The following ARF4 variants were observed in gnomAD, a reference collection of about 807,000 sequenced individuals.
ARF4 encodes ARF GTPase 4, also known as ADP-ribosylation factor 4.
ARF4 carries 5 observed loss-of-function variants against 24.3 expected under a neutral mutation model. That is an observed-to-expected ratio of 0.21 (90% CI 0.11 to 0.43). The LOEUF is 0.43. Among genes scored for constraint, ARF4 ranks in the 20% least tolerant of loss-of-function variants. The probability of loss-of-function intolerance (pLI) is 1.00; values close to 1 mark genes in which losing one functional copy is unlikely to be tolerated. For synonymous variants in ARF4, 62 were observed against 73.5 expected, an observed-to-expected ratio of 0.84 and a Z score of 0.80; for missense variants, 107 against 213.0, an observed-to-expected ratio of 0.50 and a Z score of 3.10.
chr3:57,578,628 T>C (rs2069934115), intron 3 of ARF4, among the ~76,000 whole-genome samples: 1 of 151,942 alleles, frequency 6.6e-6, no homozygotes, highest in Non-Finnish European at 1.5e-5. Flanking sequence ...TACAGGTGCG[T>C]GCCACCACAC....
At chr3:57,596,786 C>A in intron 1 of ARF4, 1 of 355,048 alleles carries the variant, frequency 2.8e-6, no homozygotes. Flanking sequence ...TTCCCCACAT[C>A]TCTGCCCAAT....
intron 1 of ARF4, among the ~76,000 whole-genome samples, chr3:57,590,094 A>T (rs1020766938): frequency 1.3e-5 from 1 of 75,898 alleles, no homozygotes; most frequent in African/African-American, 5.4e-5. Context: ...TGTCTCAATA[A>T]ATAAATAAAT....
chr3:57,596,872 T>A, intron 1 of ARF4: 1 of 582,816 alleles, frequency 1.7e-6, no homozygotes, highest in Non-Finnish European at 3.0e-6. Flanking sequence ...CCTGTCCCTG[T>A]CTCGTCTGGC....
intron 4 of ARF4, among the ~76,000 whole-genome samples, chr3:57,576,176 C>CATG (rs1351316161): frequency 6.6e-6 from 1 of 152,040 alleles, no homozygotes; most frequent in Non-Finnish European, 1.5e-5. Flanking sequence ...TGTACTGATG[C>CATG]ATGATGCAAT....
At chr3:57,593,190 G>A (rs770224050) in intron 1 of ARF4, among the ~76,000 whole-genome samples, 4 of 152,078 alleles carry the variant, frequency 2.6e-5, no homozygotes, top group Non-Finnish European at 5.9e-5. Context: ...GAGTATGGGT[G>A]ACAGAGCAAA....
chr3:57,583,978 T>G lies in ARF4; in HGVS notation c.178A>C (p.Asn60His), dbSNP rs2070006405. Reference protein sequence around the residue: ...GFNVETVEYKNICFTVWDVGG... With the variant: ...GFNVETVEYKHICFTVWDVGG... ...ACATCCCATACTGTGAAACAAATGT[T>G]CTTATATTCTACTGTTTCCACATTA... Residue 60 changes from asparagine (N) to histidine (H), a missense_variant, in exon 3 of 6, where the codon AAC becomes CAC. Asn to His is a moderately conservative substitution (Grantham distance 68). Transcript: ENST00000303436. 6.2e-7 allele frequency: 1 copy of G among 1,612,516 alleles called. No individual in the cohort carries two copies. The highest frequency in any genetic ancestry group is 8.5e-7 in the Non-Finnish European group (1 of 1,178,680).
At chr3:57,588,853 A>T (rs1230594330) in intron 1 of ARF4, among the ~76,000 whole-genome samples, 1 of 151,928 alleles carries the variant, frequency 6.6e-6, no homozygotes, top group Non-Finnish European at 1.5e-5. Flanking sequence ...CTGTAATCCC[A>T]GCACTTTGGG....
At chr3:57,594,712 C>G (rs2070160522) in intron 1 of ARF4, among the ~76,000 whole-genome samples, 1 of 152,148 alleles carries the variant, frequency 6.6e-6, no homozygotes, top group Non-Finnish European at 1.5e-5. Context: ...CTCAGGAGGG[C>G]ATGAATCTTA....
chr3:57,577,496 C>T (rs919497824), intron 3 of ARF4, 109 bp from the exon 4 acceptor site: 1 of 837,356 alleles, frequency 1.2e-6, no homozygotes, highest in African/African-American at 1.7e-5. Flanking sequence ...AAGAAAATGT[C>T]TCTTTAAAAG....
intron 1 of ARF4, among the ~76,000 whole-genome samples, chr3:57,590,132 TAAAACAA>T (rs2070092993): frequency 7.3e-6 from 1 of 136,226 alleles, no homozygotes; most frequent in East Asian, 2.2e-4. Flanking sequence ...AATAAATAAA[TAAAACAA>T]AAAACAAAAA....
At chr3:57,585,535 C>G (rs142460376) in intron 1 of ARF4, among the ~76,000 whole-genome samples, 1 of 152,238 alleles carries the variant, frequency 6.6e-6, no homozygotes, top group East Asian at 1.9e-4. Context: ...TTAATGGGTG[C>G]AGCACACCAA....
chr3:57,582,389 C>T (rs562388161), intron 3 of ARF4, among the ~76,000 whole-genome samples: 6 of 151,584 alleles, frequency 4.0e-5, no homozygotes, highest in South Asian at 2.1e-4. Context: ...ATCACAGGTG[C>T]GCGCCACCAC....
At chr3:57,575,896 A>T (rs535974029) in intron 4 of ARF4, among the ~76,000 whole-genome samples, 2 of 152,324 alleles carry the variant, frequency 1.3e-5, no homozygotes, top group South Asian at 4.1e-4. Context: ...TTTCCAAGTC[A>T]ATCATCCTAC....
chr3:57,592,424 G>GTTGCAGTGACCTGAGA (rs2070126873), intron 1 of ARF4, among the ~76,000 whole-genome samples: 1 of 152,084 alleles, frequency 6.6e-6, no homozygotes, highest in Non-Finnish European at 1.5e-5. Flanking sequence ...GGAGGCGGAG[G>GTTGCAGTGACCTGAGA]TTGCAGTGAC....
intron 5 of ARF4, among the ~76,000 whole-genome samples, chr3:57,573,835 G>A (rs2069869252): frequency 2.0e-5 from 3 of 152,140 alleles, no homozygotes; most frequent in Admixed American, 1.3e-4. Flanking sequence ...GCCCACCTTC[G>A]CCTCCCAAAG....
intron 5 of ARF4, among the ~76,000 whole-genome samples, chr3:57,572,557 CTTT>C (rs1234241248): frequency 6.6e-6 from 1 of 152,030 alleles, no homozygotes; most frequent in Non-Finnish European, 1.5e-5. Context: ...TTTGTCTCTA[CTTT>C]TTTAGATTAA....
chr3:57,597,150 G>A lies in ARF4; in HGVS notation c.-10C>T, dbSNP rs775590057. The A allele has an allele frequency of 1.2e-6, 2 of 1,613,398 alleles. No individual in the cohort carries two copies. The highest frequency in any genetic ancestry group is 1.7e-6 in the Non-Finnish European group (2 of 1,179,474). ...AGATAGTGAGGCCCATGGCGGTAGTGGCACTTGTGATGGGCAGAAGCAGAA... is the reference window on the plus strand; with the variant it reads ...AGATAGTGAGGCCCATGGCGGTAGTAGCACTTGTGATGGGCAGAAGCAGAA... On this transcript the variant is annotated 5_prime_UTR_variant, in exon 1 of 6. Coordinates refer to ENST00000303436, the MANE Select transcript of ARF4 (RefSeq NM_001660.4).
chr3:57,590,567 CAA>C (rs2070100159), intron 1 of ARF4, among the ~76,000 whole-genome samples: 2 of 152,138 alleles, frequency 1.3e-5, no homozygotes, highest in African/African-American at 4.8e-5. Flanking sequence ...ACTGGAAAGA[CAA>C]AAGAGTATTT....
chr3:57,573,561 G>A (rs1234414812), intron 5 of ARF4, among the ~76,000 whole-genome samples: 1 of 152,150 alleles, frequency 6.6e-6, no homozygotes, highest in Non-Finnish European at 1.5e-5. Context: ...TACAGTTAGT[G>A]TTGCTTGCTT....
Sources: gnomAD v4.1 joint callset for allele counts (sites outside exome capture counted in the v4.1 genomes callset) on GRCh38, gnomAD v4.1.1 for gene constraint, MANE v1.5 for transcripts, NCBI Gene and HGNC (gene_info 2026-07-23, HGNC 2026-07-21) for gene names.